Variants in TET1 observed in about 807,000 individuals in gnomAD.
TET1 encodes methylcytosine dioxygenase TET1.
Under a neutral mutation model 148.7 loss-of-function variants are expected in TET1, and 13 were observed. The ratio of observed to expected loss-of-function variants is 0.09; its 90% CI spans 0.06 to 0.14. TET1 has a LOEUF of 0.14. Among genes scored for constraint, TET1 ranks in the 10% least tolerant of loss-of-function variants. TET1 has a pLI of 1.00. For missense variants in TET1, 2,182 were observed against 2,553.8 expected (o/e 0.85, Z 3.14); for synonymous variants, 907 against 937.2 (o/e 0.97, Z 0.59).
chr10:68,596,505 C>T (rs896707622), intron 2 of TET1, among the ~76,000 whole-genome samples: 3 of 152,096 alleles, frequency 2.0e-5, no homozygotes, highest in Non-Finnish European at 4.4e-5. Flanking sequence ...CTTAGGCTAG[C>T]CTTGAAATCC....
At chr10:68,677,001 G>A (rs1157718329) in intron 8 of TET1, among the ~76,000 whole-genome samples, 2 of 152,206 alleles carry the variant, frequency 1.3e-5, no homozygotes, top group African/African-American at 2.4e-5. Flanking sequence ...GCCAGCAAGA[G>A]GTATAGGAAG....
intron 2 of TET1, among the ~76,000 whole-genome samples, chr10:68,592,257 A>C (rs1469577491): frequency 1.3e-5 from 2 of 152,170 alleles, no homozygotes; most frequent in Admixed American, 6.5e-5. Flanking sequence ...CAGGGGTTGC[A>C]GTGAGCCGAG....
chr10:68,589,166 C>T (rs2053891915), intron 2 of TET1, among the ~76,000 whole-genome samples: 1 of 151,944 alleles, frequency 6.6e-6, no homozygotes, highest in Non-Finnish European at 1.5e-5. Context: ...GACCTTATTT[C>T]CCTCTGAATC....
At chr10:68,581,625 T>C (rs2053799220) in intron 2 of TET1, among the ~76,000 whole-genome samples, 1 of 152,158 alleles carries the variant, frequency 6.6e-6, no homozygotes, top group Non-Finnish European at 1.5e-5. Context: ...GCAGATTGCT[T>C]GAGCCCTGGC....
At position 68,580,491 on chromosome 10, in the gene TET1, T is replaced by C. The variant is rs192451823; in HGVS notation, c.1914+6239T>C. ...ATGTCTGGCCAACTTAAAAATCTTT[T>C]GTAGAAGGCCGGGCACGGTGGCTCA... On this transcript the variant is annotated intron_variant, in intron 2 of 11. Transcript: ENST00000373644. 1.6e-3 allele frequency among the ~76,000 whole-genome samples: 248 copies of C among 150,406 alleles called. 3 individuals carry two copies. Among genetic ancestry groups the C allele is most frequent in the Admixed American group, 0.014 (213 of 15,094 alleles).
chr10:68,645,710 A>G lies in TET1; in HGVS notation c.2981A>G (p.His994Arg), dbSNP rs1369608471. Residue 994 changes from histidine (H) to arginine (R), a missense_variant, in exon 4 of 12, where the codon CAT (histidine) becomes CGT (arginine). By Grantham distance (29) the His-to-Arg change is conservative (BLOSUM62 0). This residue lies in a region of TET1 where 582 missense variants were observed against 599.5 expected (regional missense o/e 0.97). Coordinates refer to ENST00000373644, the MANE Select transcript of TET1 (RefSeq NM_030625.3). Reference sequence around the variant, plus strand: ...ACTAACCAAGCATCCACAAAGTCACATGAATATTCAAAAGTCACAAATTCA... The same window carrying G: ...ACTAACCAAGCATCCACAAAGTCACGTGAATATTCAAAAGTCACAAATTCA... ...SATNQASTKS[H>R]EYSKVTNSLS... 14 of 1,614,102 alleles carry G rather than the reference A, an allele frequency of 8.7e-6. No individual in the cohort carries two copies. The highest frequency in any genetic ancestry group is 2.7e-5 in the African/African-American group (2 of 74,950).
rs1246775341 is a variant in TET1, at chr10:68,646,698, G to C, written c.3969G>C (p.Gln1323His). The C allele has an allele frequency of 3.1e-6, 5 of 1,614,148 alleles. No individual in the cohort carries two copies. The highest frequency in any genetic ancestry group is 3.4e-6 in the Non-Finnish European group (4 of 1,180,028). The change falls in exon 4 of 12, where the codon CAG becomes CAC. Residue 1323 changes from glutamine to histidine, a missense_variant. This residue lies in a region of TET1 where 582 missense variants were observed against 599.5 expected (regional missense o/e 0.97). Coordinates refer to ENST00000373644, the MANE Select transcript of TET1 (RefSeq NM_030625.3). The stretch of plus-strand genomic sequence containing the variant: ...GCGATGACCAAATACGGTTTCAGCA[G>C]GTTGTTAAGGAGCAACTCATGCATC... The part of the protein sequence containing the change: ...MAGDDQIRFQ[Q>H]VVKEQLMHQR...
chr10:68,629,326 C>T (rs2054534096), intron 3 of TET1, among the ~76,000 whole-genome samples: 1 of 151,890 alleles, frequency 6.6e-6, no homozygotes, highest in Non-Finnish European at 1.5e-5. Context: ...GATTGTGCCA[C>T]TGCACTCCAG....
rs139770615 is a variant in TET1 at position 68,639,445 on chromosome 10, TTAC to T, written c.1969-5232_1969-5230del. The stretch of plus-strand genomic sequence containing the variant: ...TCAAAGATTACTATTACTATTATTA[TTAC>T]TACTACTACTACTACTACTATTATT... On this transcript the variant is annotated intron_variant, in intron 3 of 11. Transcript: ENST00000373644. 7.9e-4 allele frequency among the ~76,000 whole-genome samples: 105 copies of T among 132,148 alleles called. 1 individual carries two copies. Among genetic ancestry groups the T allele is most frequent in the African/African-American group, 2.8e-3 (102 of 36,300 alleles). The allele number at this position is 132,148 out of a possible 152,430, so 86.7% of individuals were successfully genotyped here.
chr10:68,604,098 T>C (rs1404330661), intron 3 of TET1, among the ~76,000 whole-genome samples: 2 of 152,224 alleles, frequency 1.3e-5, no homozygotes, highest in Non-Finnish European at 2.9e-5. Context: ...GGTAGAGGTG[T>C]GGTCTAATTC....
intron 8 of TET1, among the ~76,000 whole-genome samples, chr10:68,678,895 G>A (rs2055399388): frequency 6.6e-6 from 1 of 152,074 alleles, no homozygotes; most frequent in South Asian, 2.1e-4. Context: ...TACTAATAGG[G>A]CCGGGCACAG....
At chr10:68,599,020 T>C (rs1216116814) in intron 2 of TET1, among the ~76,000 whole-genome samples, 1 of 151,956 alleles carries the variant, frequency 6.6e-6, no homozygotes, top group Admixed American at 6.6e-5. Context: ...TTGTTAAAAA[T>C]GTGGGTGAGG....
chr10:68,571,822 G>C (rs569083877), intron 1 of TET1, among the ~76,000 whole-genome samples: 2 of 152,182 alleles, frequency 1.3e-5, no homozygotes, highest in Admixed American at 1.3e-4. Context: ...ACTGCTCCTG[G>C]TCCTTACTTT....
Position 68,646,189 on chromosome 10 carries a change from C to G in TET1, c.3460C>G (p.Pro1154Ala). ...NPTQKKTKSTPSRDRRKKKPT... is the reference protein window; with the variant it reads ...NPTQKKTKSTASRDRRKKKPT... ...AACCCAGAAAAAGACAAAATCCACC[C>G]CATCAAGAGATCGGCGGAAAAAGAA... The change falls in exon 4 of 12, where the codon CCA (proline) becomes GCA (alanine). Residue 1154 changes from proline to alanine, a missense_variant. Transcript: ENST00000373644. 1 of 1,613,956 alleles carries G rather than the reference C, an allele frequency of 6.2e-7. No homozygotes were observed. Among genetic ancestry groups the G allele is most frequent in the Non-Finnish European group, 8.5e-7 (1 of 1,179,996 alleles).
rs2054823143 is a variant in TET1, at chr10:68,645,257, T to A, written c.2528T>A (p.Ile843Lys). The A allele has an allele frequency of 1.2e-6, 2 of 1,614,032 alleles. No homozygotes were observed. Among genetic ancestry groups the A allele is most frequent in the South Asian group, 2.2e-5 (2 of 91,076 alleles). Residue 843 changes from isoleucine to lysine, a missense_variant, in exon 4 of 12, where the codon ATA (isoleucine) becomes AAA (lysine). Ile to Lys is a moderately radical substitution (Grantham distance 102). Transcript: ENST00000373644. Reference protein sequence around the residue: ...SSIPHSSHSIINHHASIHNEG... With the variant: ...SSIPHSSHSIKNHHASIHNEG... ...ATTCCACATTCTTCACACTCCATCA[T>A]AAATCATCATGCTAGTATACACAAT...
In TET1 at chr10:68,645,376, G is replaced by A. The variant is rs1174505520; in HGVS notation, c.2647G>A (p.Asp883Asn). The stretch of plus-strand genomic sequence containing the variant: ...ACCAAGTCTCTTATCGTTAATGAAA[G>A]ATAGGAGATTAACATTGGAGCAAGT... ...VQPSLLSLMKDRRLTLEQVVA... is the reference protein window; with the variant it reads ...VQPSLLSLMKNRRLTLEQVVA... Residue 883 changes from aspartate (D) to asparagine (N), a missense_variant, in exon 4 of 12, where the codon GAT (aspartate) becomes AAT (asparagine). Asp to Asn is a conservative substitution (Grantham distance 23). Coordinates refer to ENST00000373644, the MANE Select transcript of TET1 (RefSeq NM_030625.3). 2 of 1,614,124 alleles carry A rather than the reference G, an allele frequency of 1.2e-6. No homozygotes were observed. Among genetic ancestry groups the A allele is most frequent in the East Asian group, 2.2e-5 (1 of 44,886 alleles).
intron 1 of TET1, among the ~76,000 whole-genome samples, chr10:68,563,317 TGCCTG>T: frequency 6.6e-6 from 1 of 152,254 alleles, no homozygotes; most frequent in East Asian, 1.9e-4. Flanking sequence ...AGCAAGCAGT[TGCCTG>T]CCTGCTCTTC....
intron 3 of TET1, among the ~76,000 whole-genome samples, chr10:68,617,615 G>C (rs887531992): frequency 6.6e-6 from 1 of 151,808 alleles, no homozygotes; most frequent in East Asian, 1.9e-4. Context: ...GCATGATCTC[G>C]GCTCACCACA....
chr10:68,684,764 T>A (rs113398583), intron 10 of TET1, among the ~76,000 whole-genome samples: 94 of 152,290 alleles, frequency 6.2e-4, no homozygotes, highest in African/African-American at 2.0e-3. Flanking sequence ...CTATTTTTTT[T>A]ATTTTTTTTA....
Sources: allele counts gnomAD v4.1 joint callset (sites outside exome capture counted in the v4.1 genomes callset), GRCh38; gene constraint gnomAD v4.1.1; regional missense constraint gnomAD v4.1.1; transcripts MANE v1.5; gene names NCBI Gene and HGNC (gene_info 2026-07-23, HGNC 2026-07-21).